PLEKHA5: variants seen among roughly 807,000 people sequenced by gnomAD.
The protein encoded by PLEKHA5 is pleckstrin homology domain-containing family A member 5.
A neutral mutation model predicts 181.9 loss-of-function variants in PLEKHA5; 55 were observed. That is an observed-to-expected ratio of 0.30 (90% CI 0.24 to 0.38). The LOEUF (loss-of-function observed/expected upper bound fraction) is 0.38. Among genes scored for constraint, PLEKHA5 ranks in the 10% least tolerant of loss-of-function variants. The pLI is 1.00. For synonymous variants in PLEKHA5, 535 were observed against 529.4 expected, an observed-to-expected ratio of 1.01 and a Z score of -0.15; for missense variants, 1,432 against 1,549.5, an observed-to-expected ratio of 0.92 and a Z score of 1.27.
chr12:19,228,436 C>A (rs12828006), intron 3 of PLEKHA5, among the ~76,000 whole-genome samples: 1 of 142,790 alleles, frequency 7.0e-6, no homozygotes, highest in Admixed American at 7.0e-5. Flanking sequence ...ATATTTTTCT[C>A]TGTTTTTTTC....
At chr12:19,211,135 A>G (rs920581861) in intron 3 of PLEKHA5, among the ~76,000 whole-genome samples, 2 of 152,122 alleles carry the variant, frequency 1.3e-5, no homozygotes, top group Non-Finnish European at 2.9e-5. Context: ...AATTACAGAT[A>G]TACCAAAGAT....
intron 30 of PLEKHA5, among the ~76,000 whole-genome samples, chr12:19,366,806 T>G (rs2095435168): frequency 6.6e-6 from 1 of 152,206 alleles, no homozygotes; most frequent in Non-Finnish European, 1.5e-5. Flanking sequence ...ATTGCTATAA[T>G]CCATACCTGG....
intron 10 of PLEKHA5, among the ~76,000 whole-genome samples, chr12:19,271,933 T>G (rs2072959843): frequency 6.6e-6 from 1 of 152,204 alleles, no homozygotes; most frequent in Non-Finnish European, 1.5e-5. Context: ...TCTATTAGAT[T>G]TAGTCATTCA....
chr12:19,310,219 A>G (rs2085953478), intron 15 of PLEKHA5, among the ~76,000 whole-genome samples: 1 of 152,212 alleles, frequency 6.6e-6, no homozygotes, highest in Admixed American at 6.5e-5. Context: ...GATTCCTTAC[A>G]CAATATGTAG....
chr12:19,222,095 C>A (rs574570023), intron 3 of PLEKHA5, among the ~76,000 whole-genome samples: 2 of 151,858 alleles, frequency 1.3e-5, no homozygotes, highest in African/African-American at 4.8e-5. Context: ...ACGAGACCCC[C>A]GTCTCTAAAA....
chr12:19,159,459 A>G (rs1253741071), intron 3 of PLEKHA5, among the ~76,000 whole-genome samples: 1 of 152,154 alleles, frequency 6.6e-6, no homozygotes, highest in African/African-American at 2.4e-5. Context: ...TATAGATACC[A>G]TTCAGTAGTC....
chr12:19,277,527 C>A (rs1161144706), intron 11 of PLEKHA5, among the ~76,000 whole-genome samples: 1 of 152,104 alleles, frequency 6.6e-6, no homozygotes, highest in Non-Finnish European at 1.5e-5. Flanking sequence ...GTTCCTCCTA[C>A]ATTTTTGGGT....
chr12:19,322,573 A>G lies in PLEKHA5; in HGVS notation c.2354A>G (p.Asp785Gly). The G allele has an allele frequency of 6.2e-7, 1 of 1,613,918 alleles. No individual in the cohort carries two copies. Residue 785 changes from aspartate to glycine, a missense_variant, in exon 20 of 32, where the codon GAT (aspartate) becomes GGT (glycine). This residue lies in a region of PLEKHA5 where 1,143 missense variants were observed against 1,168.4 expected (regional missense o/e 0.98). Transcript: ENST00000429027. ...SASQEIEMHA[D>G]NPAAIQTVVL... The stretch of plus-strand genomic sequence containing the variant: ...AGCCAAGAGATAGAAATGCATGCAG[A>G]TAACCCAGCAGCCATTCAGACAGTG...
intron 3 of PLEKHA5, 128 bp downstream of exon 3, chr12:19,132,578 C>CCTG: frequency 1.6e-6 from 1 of 606,542 alleles, no homozygotes; most frequent in Non-Finnish European, 2.9e-6. Context: ...TGACTGTATT[C>CCTG]TTTATTTTGT....
chr12:19,137,229 G>C (rs962285374), intron 3 of PLEKHA5, among the ~76,000 whole-genome samples: 1 of 151,918 alleles, frequency 6.6e-6, no homozygotes, highest in Non-Finnish European at 1.5e-5. Context: ...TAGAGAAGGG[G>C]TTTCGCCACG....
intron 15 of PLEKHA5, among the ~76,000 whole-genome samples, chr12:19,298,839 C>T (rs748128464): frequency 2.6e-5 from 4 of 152,140 alleles, no homozygotes; most frequent in East Asian, 1.9e-4. Context: ...CTTTGAGAGC[C>T]GTCAGCACTC....
At chr12:19,176,353 A>G (rs1032327528) in intron 3 of PLEKHA5, 2 of 150,922 alleles carry the variant, frequency 1.3e-5, no homozygotes, top group African/African-American at 2.4e-5. Context: ...CAATCCCTCT[A>G]GTGATCAGAT....
intron 29 of PLEKHA5, 24 bp from the exon 30 acceptor site, chr12:19,365,940 T>A: frequency 6.4e-7 from 1 of 1,557,850 alleles, no homozygotes; most frequent in Non-Finnish European, 8.6e-7. Flanking sequence ...GACAAATTTT[T>A]AAATACCAAT....
At chr12:19,350,637 C>T (rs1042864664) in intron 25 of PLEKHA5, among the ~76,000 whole-genome samples, 9 of 152,014 alleles carry the variant, frequency 5.9e-5, no homozygotes, top group African/African-American at 2.2e-4. Context: ...GGTGTGGTGG[C>T]GGGCACCTGT....
intron 3 of PLEKHA5, among the ~76,000 whole-genome samples, chr12:19,223,198 C>T (rs113930519): frequency 6.6e-6 from 1 of 151,960 alleles, no homozygotes; most frequent in Non-Finnish European, 1.5e-5. Context: ...CATTAACACA[C>T]TCTCTACCTC....
At chr12:19,200,781 T>A in intron 3 of PLEKHA5, 2 of 648,838 alleles carry the variant, frequency 3.1e-6, no homozygotes, top group Non-Finnish European at 3.8e-6. Flanking sequence ...AATGATGTTA[T>A]GATAATTAGA....
intron 15 of PLEKHA5, 75 bp from the exon 16 acceptor site, chr12:19,314,739 T>A (rs2153002323): frequency 1.3e-6 from 1 of 780,938 alleles, no homozygotes; most frequent in Admixed American, 2.0e-5. Context: ...AGAGGCTATA[T>A]TTACAGTGTC....
At chr12:19,300,396 A>T (rs2081146428) in intron 15 of PLEKHA5, among the ~76,000 whole-genome samples, 1 of 152,212 alleles carries the variant, frequency 6.6e-6, no homozygotes, top group African/African-American at 2.4e-5. Context: ...CATAATAGTT[A>T]TACAATTCTA....
intron 3 of PLEKHA5, among the ~76,000 whole-genome samples, chr12:19,179,223 T>C (rs73345019): frequency 0.089 from 13,591 of 152,262 alleles, 696 homozygotes; most frequent in African/African-American, 0.15. Flanking sequence ...CATAGGTTGT[T>C]GTTAGGGCCT....
Sources: gnomAD v4.1 joint callset for allele counts (sites outside exome capture counted in the v4.1 genomes callset) on GRCh38, gnomAD v4.1.1 for gene constraint, gnomAD v4.1.1 regional missense constraint, MANE v1.5 for transcripts, NCBI Gene and HGNC (gene_info 2026-07-23, HGNC 2026-07-21) for gene names.